Variants in NOP9 observed in about 807,000 individuals in gnomAD.
NOP9 encodes the protein nucleolar protein 9.
In NOP9, 50 loss-of-function variants were observed where a neutral mutation model predicts 63.0. That is an observed-to-expected ratio of 0.79 (90% CI 0.63 to 1.00). The LOEUF (loss-of-function observed/expected upper bound fraction) is 1.00. Among genes scored for constraint, NOP9 ranks in the 50% least tolerant of loss-of-function variants. The pLI is 0.00. For synonymous variants in NOP9, 343 were observed against 332.8 expected (o/e 1.03, Z -0.33); for missense variants, 758 against 803.0 (o/e 0.94, Z 0.68).
chr14:24,308,028 G>A lies in NOP9; in HGVS notation c.*2933G>A. On this transcript the variant is annotated 3_prime_UTR_variant, in exon 10 of 10. Coordinates refer to ENST00000267425, the MANE Select transcript of NOP9 (RefSeq NM_174913.3). ...CTGCCTGGCCAGTAAGAAGGGCAAAGTCCAAGGGGAGGGATGAGGGAGGGG... is the reference window on the plus strand; with the variant it reads ...CTGCCTGGCCAGTAAGAAGGGCAAAATCCAAGGGGAGGGATGAGGGAGGGG... The A allele has an allele frequency of 1.5e-6, 1 of 651,260 alleles. No individual in the cohort carries two copies. The highest frequency in any genetic ancestry group is 2.8e-5 in the East Asian group (1 of 35,940). 40.3% of individuals were successfully genotyped at this position (651,260 alleles called of 1,614,324 possible).
chr14:24,297,041 T>C (rs2041261922), upstream of NOP9, among the ~76,000 whole-genome samples: 1 of 152,116 alleles, frequency 6.6e-6, no homozygotes, highest in Non-Finnish European at 1.5e-5. Context: ...CTGGTGTCTG[T>C]TTGAGTAGTT....
chr14:24,301,163 A>G (rs12895335), intron 2 of NOP9, among the ~76,000 whole-genome samples: 55,952 of 151,868 alleles, frequency 0.37, 12,299 homozygotes, highest in Middle Eastern at 0.56. Flanking sequence ...GACTCAAGCA[A>G]AAGTTCAGGA....
chr14:24,301,215 T>C (rs993058149), intron 2 of NOP9, among the ~76,000 whole-genome samples: 6 of 152,204 alleles, frequency 3.9e-5, no homozygotes, highest in Non-Finnish European at 8.8e-5. Context: ...GTTATTTTTT[T>C]TTCCTTTTCA....
In NOP9 at chr14:24,303,178, G is replaced by A. The variant is rs2041408230; in HGVS notation, c.1248G>A (p.Gly416=). 1 of 1,614,040 alleles carries A rather than the reference G, an allele frequency of 6.2e-7. No homozygotes were observed. The highest frequency in any genetic ancestry group is 8.5e-7 in the Non-Finnish European group (1 of 1,180,006). The change falls in exon 6 of 10, where the codon GGG becomes GGA. Residue 416 remains glycine, a synonymous_variant. Transcript: ENST00000267425. ...IALVGACRRV[G]AYQAKVLQLL... ...TGGTGGGGGCCTGTCGCAGAGTTGG[G>A]GCCTACCAAGCCAAGGTCCTACAGC...
chr14:24,292,583 G>T, the NOP9 span: 11 of 1,612,046 alleles, frequency 6.8e-6, no homozygotes, highest in East Asian at 2.5e-4. Context: ...ACTGGGGATT[G>T]TACCTCCTGA....
chr14:24,293,107 A>G, the NOP9 span: 1 of 281,008 alleles, frequency 3.6e-6, no homozygotes, highest in Non-Finnish European at 6.6e-6. Flanking sequence ...GAAAAACTAT[A>G]AAACCATGAC....
At chr14:24,297,272 C>T (rs1243614681), upstream of NOP9, among the ~76,000 whole-genome samples, 2 of 152,154 alleles carry the variant, frequency 1.3e-5, no homozygotes, top group Non-Finnish European at 2.9e-5. Context: ...TCCCACCCTA[C>T]ACTACTCACC....
At chr14:24,298,882 T>C (rs2041311717), upstream of NOP9, 2 of 1,464,306 alleles carry the variant, frequency 1.4e-6, no homozygotes, top group Admixed American at 2.1e-5. Flanking sequence ...AGGTAAGGGA[T>C]TAGGAAAGGA....
intron 2 of NOP9, 32 bp downstream of exon 2, chr14:24,300,889 G>A: frequency 1.3e-6 from 2 of 1,543,544 alleles, no homozygotes; most frequent in Non-Finnish European, 1.8e-6. Flanking sequence ...TGGACCTAGG[G>A]GGAAGAAGAA....
chr14:24,298,186 C>T (rs2139105377), upstream of NOP9, among the ~76,000 whole-genome samples: 1 of 152,270 alleles, frequency 6.6e-6, no homozygotes, highest in South Asian at 2.1e-4. Flanking sequence ...GATGGTACTA[C>T]AGGTGCAGGC....
chr14:24,290,438 G>C, the NOP9 span, among the ~76,000 whole-genome samples: 1 of 152,194 alleles, frequency 6.6e-6, no homozygotes, highest in African/African-American at 2.4e-5. Flanking sequence ...GCTGGGGCAT[G>C]GGAAACAGGT....
chr14:24,296,635 G>C (rs777276413), upstream of NOP9: 2 of 1,613,546 alleles, frequency 1.2e-6, no homozygotes, highest in Non-Finnish European at 1.7e-6. Context: ...GTAGGGAGGT[G>C]TGAGGGGCTG....
the NOP9 span, among the ~76,000 whole-genome samples, chr14:24,286,095 G>T: frequency 6.6e-6 from 1 of 152,230 alleles, no homozygotes; most frequent in Non-Finnish European, 1.5e-5. Context: ...ACTTGCCTCA[G>T]TTGGGGCGGG....
At chr14:24,292,461 C>T in the NOP9 span, 491 of 1,473,038 alleles carry the variant, frequency 3.3e-4, 1 homozygote, top group Non-Finnish European at 4.0e-4. Context: ...CAGCTGCCCA[C>T]GCTCCCCAGT....
In NOP9 at chr14:24,300,063, C is replaced by T; in HGVS notation, c.109C>T (p.Arg37Trp). The part of the protein sequence containing the change: ...GSGRPLPGRK[R>W]QPWPPPDGRS... ...GGGGCGCCCCTTACCAGGCCGTAAG[C>T]GGCAACCCTGGCCGCCTCCGGATGG... The change falls in exon 1 of 10, where the codon CGG (arginine) becomes TGG (tryptophan). Residue 37 changes from arginine (R) to tryptophan (W), a missense_variant. Physicochemically the swap from Arg to Trp is moderately radical, Grantham distance 101. Coordinates refer to ENST00000267425, the MANE Select transcript of NOP9 (RefSeq NM_174913.3). 6.2e-7 allele frequency: 1 copy of T among 1,612,370 alleles called. No homozygotes were observed. The highest frequency in any genetic ancestry group is 1.1e-5 in the South Asian group (1 of 91,056).
upstream of NOP9, chr14:24,296,893 C>G: frequency 6.2e-7 from 1 of 1,614,146 alleles, no homozygotes; most frequent in Non-Finnish European, 8.5e-7. Flanking sequence ...TGGAGTAGGA[C>G]AGGGGATATG....
Position 24,300,435 on chromosome 14 carries a change from A to G in NOP9, c.275A>G (p.Glu92Gly). ...CTGATGGTGCACAATATAATGAAGG[A>G]AGTAGAGACTCAGGCCCTAGCTTTG... ...RDLMVHNIMKEVETQALALST... is the reference protein window; with the variant it reads ...RDLMVHNIMKGVETQALALST... The change falls in exon 2 of 10, where the codon GAA becomes GGA. Residue 92 changes from glutamate (E) to glycine (G), a missense_variant. Transcript: ENST00000267425. The G allele has an allele frequency of 5.6e-6, 9 of 1,613,684 alleles. No homozygotes were observed. Among genetic ancestry groups the G allele is most frequent in the Non-Finnish European group, 7.6e-6 (9 of 1,179,804 alleles).
At chr14:24,291,224 G>C in the NOP9 span, 1 of 1,614,056 alleles carries the variant, frequency 6.2e-7, no homozygotes. Context: ...TGGGATCTGC[G>C]GGCACACAGA....
At position 24,306,963 on chromosome 14, in the gene NOP9, C is replaced by G. The variant is rs1480061318; in HGVS notation, c.*1868C>G. Reference sequence around the variant, plus strand: ...GGACTTTACCTACATTATCCTCTTACTCCTTTCAACAACCCTAGGAGGTGA... The same window carrying G: ...GGACTTTACCTACATTATCCTCTTAGTCCTTTCAACAACCCTAGGAGGTGA... On this transcript the variant is annotated 3_prime_UTR_variant, in exon 10 of 10. Transcript: ENST00000267425. The G allele has an allele frequency of 3.9e-6, 1 of 254,252 alleles. No homozygotes were observed. The highest frequency in any genetic ancestry group is 2.2e-5 in the African/African-American group (1 of 45,620). The allele number at this position is 254,252 out of a possible 1,614,324, so 15.7% of individuals were successfully genotyped here. A position where few individuals can be genotyped will look rare whatever the true frequency, so the allele number is the denominator to read the frequency against.
Sources: gnomAD v4.1 joint callset for allele counts (sites outside exome capture counted in the v4.1 genomes callset) on GRCh38, gnomAD v4.1.1 for gene constraint, MANE v1.5 for transcripts, NCBI Gene and HGNC (gene_info 2026-07-23, HGNC 2026-07-21) for gene names.